The following PLOD3 variants were observed in gnomAD, a reference collection of about 807,000 sequenced individuals.
PLOD3 encodes the protein multifunctional procollagen lysine hydroxylase and glycosyltransferase LH3.
In PLOD3, 73 loss-of-function variants were observed where a neutral mutation model predicts 96.9. The ratio of observed to expected loss-of-function variants is 0.75; its 90% confidence interval spans 0.62 to 0.92. The LOEUF is 0.92. Ranked by LOEUF, PLOD3 falls within the 40% of genes least tolerant of loss-of-function variation. The pLI is 0.00. For synonymous variants in PLOD3, 454 were observed against 413.7 expected (o/e 1.10, Z -1.18); for missense variants, 1,004 against 1,004.3 (o/e 1.00, Z 0.00).
At chr7:101,207,359 T>C (rs550573919) in intron 17 of PLOD3, among the ~76,000 whole-genome samples, 1 of 152,052 alleles carries the variant, frequency 6.6e-6, no homozygotes, top group African/African-American at 2.4e-5. Context: ...TAGGAGGCTC[T>C]CGCTGCTCAC....
chr7:101,209,810 G>T (rs1222182834), intron 15 of PLOD3: 2 of 361,872 alleles, frequency 5.5e-6, no homozygotes, highest in African/African-American at 4.2e-5. Flanking sequence ...CAAAGTGCTG[G>T]GATTACAGGC....
Position 101,206,307 on chromosome 7 carries a change from T to C in PLOD3, c.2191A>G (p.Ile731Val), listed in dbSNP as rs747756291. The C allele has an allele frequency of 1.2e-6, 2 of 1,613,918 alleles. No individual in the cohort carries two copies. The highest frequency in any genetic ancestry group is 3.3e-5 in the Admixed American group (2 of 60,008). ...GLPTTWGTRYIMVSFVDP is the reference protein window; with the variant it reads ...GLPTTWGTRYVMVSFVDP ...CAGGGGTCGACAAAGGACACCATGATGTAGCGTGTGCCCCAGGTCGTTGGC... is the reference window on the plus strand; with the variant it reads ...CAGGGGTCGACAAAGGACACCATGACGTAGCGTGTGCCCCAGGTCGTTGGC... Residue 731 changes from isoleucine (I) to valine (V), a missense_variant, in exon 19 of 19, where the codon ATC (isoleucine) becomes GTC (valine). Physicochemically the swap from Ile to Val is conservative, Grantham distance 29. Around this residue, in one of 5 missense-constraint regions of PLOD3, gnomAD observed 222 missense variants for 220.4 expected, o/e 1.01. Coordinates refer to ENST00000223127, the MANE Select transcript of PLOD3 (RefSeq NM_001084.5).
Position 101,217,331 on chromosome 7 carries a change from G to C in PLOD3, c.-57C>G. On this transcript the variant is annotated 5_prime_UTR_variant, in exon 1 of 19. In the 5' UTR this introduces an upstream ATG that the reference lacks. Coordinates refer to ENST00000223127, the MANE Select transcript of PLOD3 (RefSeq NM_001084.5). ...TCCTGGGATCTCCGCTACGCGCCTG[G>C]ATCCCAGCTCCGGAGGGGAGCTCTG... 1 of 1,349,692 alleles carries C rather than the reference G, an allele frequency of 7.4e-7. No individual in the cohort carries two copies. The highest frequency in any genetic ancestry group is 9.5e-7 in the Non-Finnish European group (1 of 1,050,282). The allele number at this position is 1,349,692 out of a possible 1,614,324, so 83.6% of individuals were successfully genotyped here.
At chr7:101,213,503 CTTGTT>C (rs959395781) in intron 6 of PLOD3, 3 of 393,850 alleles carry the variant, frequency 7.6e-6, no homozygotes, top group Admixed American at 4.0e-5. Context: ...TCTCTCTCTC[CTTGTT>C]TTTTTTTTTT....
intron 15 of PLOD3, chr7:101,209,871 A>G (rs1490335722): frequency 7.7e-6 from 4 of 516,594 alleles, no homozygotes; most frequent in South Asian, 6.5e-5. Context: ...GATTTCAAGC[A>G]TAACACCAGT....
In PLOD3 at chr7:101,212,956, G is replaced by GCC. The variant is rs1798210420; in HGVS notation, c.778-14_778-13insGG. 6.3e-7 allele frequency: 1 copy of GCC among 1,598,106 alleles called. No individual in the cohort carries two copies. The highest frequency in any genetic ancestry group is 1.3e-5 in the African/African-American group (1 of 74,668). ...AGTTGAGCTGCAGCTGTTGGGGACA[G>GCC]ACTGAGGCTGAGTGGCTGAGGCCTC... On this transcript the variant is annotated splice_polypyrimidine_tract_variant and intron_variant, in intron 7 of 18. Coordinates refer to ENST00000223127, the MANE Select transcript of PLOD3 (RefSeq NM_001084.5).
At position 101,206,252 on chromosome 7, in the gene PLOD3, C is replaced by G. The variant is rs200847748; in HGVS notation, c.*29G>C. 1.2e-5 allele frequency: 20 copies of G among 1,612,820 alleles called. 1 individual carries two copies. In the Admixed American group the frequency reaches 3.2e-4, roughly 26 times the overall value. On this transcript the variant is annotated 3_prime_UTR_variant, in exon 19 of 19. Transcript: ENST00000223127. ...CAGGCCCCCTAAAAAGGCACAATGG[C>G]AGGGCAGGTTTGGCAGAGTGGTTGA...
intron 16 of PLOD3, among the ~76,000 whole-genome samples, chr7:101,208,295 C>T (rs761695506): frequency 7.9e-5 from 12 of 151,600 alleles, no homozygotes; most frequent in Admixed American, 2.6e-4. Flanking sequence ...CTCTTGTTGC[C>T]CAGCCTGGAG....
At chr7:101,208,786 G>T (rs543474814) in intron 16 of PLOD3, 67 bp downstream of exon 16, 2 of 1,078,158 alleles carry the variant, frequency 1.9e-6, no homozygotes, top group Admixed American at 1.7e-5. Context: ...TGATTCCATT[G>T]TTTGTTTACC....
chr7:101,213,050 T>C, intron 7 of PLOD3, 57 bp downstream of exon 7: 1 of 984,520 alleles, frequency 1.0e-6, no homozygotes, highest in Non-Finnish European at 1.4e-6. Flanking sequence ...TCAGAAGGGT[T>C]GGAGGTGCCT....
chr7:101,210,807 A>G, intron 12 of PLOD3, 134 bp from the exon 13 acceptor site: 1 of 951,746 alleles, frequency 1.1e-6, no homozygotes. Context: ...CTTGTCAAGC[A>G]CTGCTGGTCC....
At position 101,215,093 on chromosome 7, in the gene PLOD3, A is replaced by T. The variant is rs555538955; in HGVS notation, c.675T>A (p.Ala225=). Reference sequence around the variant, plus strand: ...TGCGGCTGTCTTCCTCCTCACCTAAAGCCCCGTTGAGGTTCTGAAAGATCC... The same window carrying T: ...TGCGGCTGTCTTCCTCCTCACCTAATGCCCCGTTGAGGTTCTGAAAGATCC... The part of the protein sequence containing the change: ...KSRIFQNLNG[A]LDEVVLKFDR... The change falls in exon 6 of 19, where the codon GCT becomes GCA. Residue 225 remains alanine, a synonymous_variant. Transcript: ENST00000223127. 6.2e-7 allele frequency: 1 copy of T among 1,611,786 alleles called. No individual in the cohort carries two copies. The highest frequency in any genetic ancestry group is 1.1e-5 in the South Asian group (1 of 91,032).
At chr7:101,215,301 C>T (rs903294220) in intron 5 of PLOD3, 149 bp from the exon 6 acceptor site, 1 of 722,726 alleles carries the variant, frequency 1.4e-6, no homozygotes, top group African/African-American at 1.7e-5. Context: ...GCAACCTCTG[C>T]CTCCCGGTTT....
intron 10 of PLOD3, 73 bp downstream of exon 10, chr7:101,212,180 C>T: frequency 3.8e-6 from 6 of 1,582,646 alleles, no homozygotes; most frequent in Non-Finnish European, 5.2e-6. Flanking sequence ...AGGCAAGGGC[C>T]AGGCAGCAGG....
intron 6 of PLOD3, among the ~76,000 whole-genome samples, chr7:101,214,691 G>C (rs1220906894): frequency 6.6e-6 from 1 of 151,998 alleles, no homozygotes; most frequent in Non-Finnish European, 1.5e-5. Context: ...TACAAAATGA[G>C]CTGGGCGTGG....
chr7:101,207,157 G>C (rs544541726), intron 17 of PLOD3, among the ~76,000 whole-genome samples: 1 of 151,998 alleles, frequency 6.6e-6, no homozygotes, highest in Non-Finnish European at 1.5e-5. Context: ...TGTATTTTTA[G>C]TAGAGACGAG....
At chr7:101,212,133 T>C in intron 10 of PLOD3, 120 bp downstream of exon 10, 5 of 1,350,554 alleles carry the variant, frequency 3.7e-6, no homozygotes, top group South Asian at 1.2e-5. Context: ...AGGATGCGAA[T>C]GGGGAGGCCC....
chr7:101,215,676 T>A (rs1229517497), intron 5 of PLOD3, among the ~76,000 whole-genome samples: 2 of 152,118 alleles, frequency 1.3e-5, no homozygotes, highest in Non-Finnish European at 2.9e-5. Context: ...TTCTTTCTTT[T>A]TTTTTGTAGA....
At chr7:101,206,933 G>A in intron 17 of PLOD3, 29 bp from the exon 18 acceptor site, 1 of 1,552,204 alleles carries the variant, frequency 6.4e-7, no homozygotes, top group Non-Finnish European at 8.7e-7. Context: ...GAGGCTGCAG[G>A]GACAGCTGCG....
Sources: allele counts gnomAD v4.1 joint callset (sites outside exome capture counted in the v4.1 genomes callset), GRCh38; gene constraint gnomAD v4.1.1; regional missense constraint gnomAD v4.1.1; transcripts MANE v1.5; gene names NCBI Gene and HGNC (gene_info 2026-07-23, HGNC 2026-07-21).